The following HS3ST4 variants were observed in gnomAD, a reference collection of about 807,000 sequenced individuals.
HS3ST4 encodes heparan sulfate-glucosamine 3-sulfotransferase 4, also known as heparan sulfate glucosamine 3-O-sulfotransferase 4.
HS3ST4 carries 17 observed loss-of-function variants against 29.2 expected under a neutral mutation model. The observed-to-expected ratio is 0.58, with a 90% CI of 0.40 to 0.87. The LOEUF is 0.87. HS3ST4 is among the 40% of genes least tolerant of loss of function. HS3ST4 has a pLI of 0.00. For missense variants in HS3ST4, 627 were observed against 634.5 expected, an observed-to-expected ratio of 0.99 and a Z score of 0.13; for synonymous variants, 314 against 285.7, an observed-to-expected ratio of 1.10 and a Z score of -1.00.
At chr16:25,705,334 T>C (rs1596548585) in intron 1 of HS3ST4, among the ~76,000 whole-genome samples, 1 of 152,232 alleles carries the variant, frequency 6.6e-6, no homozygotes, top group Non-Finnish European at 1.5e-5. Flanking sequence ...ACCTCTGTCA[T>C]AGGACAGTTT....
intron 1 of HS3ST4, among the ~76,000 whole-genome samples, chr16:25,909,192 T>C (rs1567270134): frequency 6.6e-6 from 1 of 152,152 alleles, no homozygotes; most frequent in African/African-American, 2.4e-5. Flanking sequence ...TTTCTTTTTC[T>C]TTTTTCTTTT....
At chr16:26,110,850 G>A (rs6497923) in intron 1 of HS3ST4, among the ~76,000 whole-genome samples, 86,173 of 151,712 alleles carry the variant, frequency 0.57, 24,972 homozygotes, top group Non-Finnish European at 0.64. Context: ...CAGCTACACC[G>A]GCCTCCTTCT....
intron 1 of HS3ST4, among the ~76,000 whole-genome samples, chr16:26,085,024 A>G (rs1454108526): frequency 1.3e-5 from 2 of 152,138 alleles, no homozygotes; most frequent in Non-Finnish European, 2.9e-5. Flanking sequence ...TCCTCCATCC[A>G]GTGGCTCCAC....
At chr16:26,067,974 C>T (rs1567305467) in intron 1 of HS3ST4, among the ~76,000 whole-genome samples, 1 of 152,184 alleles carries the variant, frequency 6.6e-6, no homozygotes, top group Non-Finnish European at 1.5e-5. Flanking sequence ...CTGTGAGTCA[C>T]AATTGAAGCT....
chr16:25,706,628 C>T (rs1966378201), intron 1 of HS3ST4, among the ~76,000 whole-genome samples: 1 of 152,046 alleles, frequency 6.6e-6, no homozygotes, highest in South Asian at 2.1e-4. Context: ...TGAGAACGTG[C>T]GGTGGCCTAA....
chr16:26,098,654 A>C (rs1351276426), intron 1 of HS3ST4, among the ~76,000 whole-genome samples: 3 of 152,140 alleles, frequency 2.0e-5, no homozygotes, highest in Non-Finnish European at 4.4e-5. Flanking sequence ...TGATGGGTGC[A>C]ACAAACCAAC....
intron 1 of HS3ST4, among the ~76,000 whole-genome samples, chr16:25,908,493 A>G (rs943628320): frequency 1.3e-5 from 2 of 152,294 alleles, no homozygotes; most frequent in African/African-American, 4.8e-5. Context: ...TGTGTGGGAC[A>G]TGGTCCAGAT....
chr16:25,864,958 A>G (rs1967678881), intron 1 of HS3ST4, among the ~76,000 whole-genome samples: 1 of 145,586 alleles, frequency 6.9e-6, no homozygotes, highest in Non-Finnish European at 1.5e-5. Flanking sequence ...ATATATATAC[A>G]TATATACACA....
chr16:25,985,835 G>A (rs546262593), intron 1 of HS3ST4, among the ~76,000 whole-genome samples: 11 of 152,096 alleles, frequency 7.2e-5, no homozygotes, highest in East Asian at 3.9e-4. Context: ...ACAGGTGCAC[G>A]TCAGCATGCC....
intron 1 of HS3ST4, among the ~76,000 whole-genome samples, chr16:25,704,288 G>A (rs1966358109): frequency 6.6e-6 from 1 of 152,270 alleles, no homozygotes; most frequent in Non-Finnish European, 1.5e-5. Flanking sequence ...CAAATAAGCT[G>A]TGTGGGCTAG....
At chr16:26,124,935 A>T (rs1899322739) in intron 1 of HS3ST4, among the ~76,000 whole-genome samples, 1 of 152,258 alleles carries the variant, frequency 6.6e-6, no homozygotes, top group Admixed American at 6.5e-5. Context: ...GTCTTTTCTT[A>T]TGTCTCTGGA....
chr16:26,108,298 G>A (rs1899083372), intron 1 of HS3ST4, among the ~76,000 whole-genome samples: 1 of 152,218 alleles, frequency 6.6e-6, no homozygotes, highest in Non-Finnish European at 1.5e-5. Context: ...ATATTATTAG[G>A]TATTTTTGGT....
intron 1 of HS3ST4, among the ~76,000 whole-genome samples, chr16:25,916,840 C>T (rs984350150): frequency 6.6e-6 from 1 of 151,312 alleles, no homozygotes; most frequent in Non-Finnish European, 1.5e-5. Context: ...CGACCACGCC[C>T]GGCTGATTTT....
intron 1 of HS3ST4, among the ~76,000 whole-genome samples, chr16:25,873,321 TCC>T (rs1967778624): frequency 4.6e-5 from 2 of 43,038 alleles, no homozygotes; most frequent in Non-Finnish European, 1.1e-4. Flanking sequence ...CATCCATCCA[TCC>T]TTCCTTCCTT....
chr16:25,756,153 C>T (rs764409620), intron 1 of HS3ST4, among the ~76,000 whole-genome samples: 11 of 81,284 alleles, frequency 1.4e-4, no homozygotes, highest in East Asian at 2.3e-3. Flanking sequence ...CACACACACA[C>T]GCACACACAC....
intron 1 of HS3ST4, among the ~76,000 whole-genome samples, chr16:25,945,062 C>A (rs1356191251): frequency 1.3e-5 from 2 of 152,210 alleles, no homozygotes; most frequent in African/African-American, 2.4e-5. Flanking sequence ...TCCCACTGAT[C>A]TCCTGTACTT....
At chr16:25,910,111 A>G (rs1271811630) in intron 1 of HS3ST4, among the ~76,000 whole-genome samples, 1 of 152,220 alleles carries the variant, frequency 6.6e-6, no homozygotes, top group Non-Finnish European at 1.5e-5. Context: ...TGATTCCGAC[A>G]CTTGATTGTC....
At chr16:25,779,923 G>A (rs965904114) in intron 1 of HS3ST4, among the ~76,000 whole-genome samples, 1 of 152,210 alleles carries the variant, frequency 6.6e-6, no homozygotes, top group South Asian at 2.1e-4. Context: ...TTATGGCACT[G>A]GCATTGTCAA....
chr16:26,111,380 C>T (rs1899127021), intron 1 of HS3ST4, among the ~76,000 whole-genome samples: 1 of 144,670 alleles, frequency 6.9e-6, no homozygotes, highest in Non-Finnish European at 1.5e-5. Context: ...TGTTCCTGGC[C>T]AGAAGGAGGT....
Sources: gnomAD v4.1 joint callset for allele counts (sites outside exome capture counted in the v4.1 genomes callset) on GRCh38, gnomAD v4.1.1 for gene constraint, MANE v1.5 for transcripts, NCBI Gene and HGNC (gene_info 2026-07-23, HGNC 2026-07-21) for gene names.